Variants in ZBTB38 observed in about 807,000 individuals in gnomAD.
The protein encoded by ZBTB38 is zinc finger and BTB domain-containing protein 38.
A neutral mutation model predicts 76.8 loss-of-function variants in ZBTB38; 20 were observed. The ratio of observed to expected loss-of-function variants is 0.26; its 90% CI spans 0.18 to 0.38. ZBTB38 has a LOEUF of 0.38. Among genes scored for constraint, ZBTB38 ranks in the 10% least tolerant of loss-of-function variants. The pLI, the probability that ZBTB38 is intolerant of heterozygous loss-of-function variation, is 1.00. For synonymous variants in ZBTB38, 504 were observed against 544.2 expected, an observed-to-expected ratio of 0.93 and a Z score of 1.03; for missense variants, 1,082 against 1,482.3, an observed-to-expected ratio of 0.73 and a Z score of 4.43.
chr3:141,331,363 G>A (rs1025864596), intron 1 of ZBTB38, among the ~76,000 whole-genome samples: 2 of 152,198 alleles, frequency 1.3e-5, no homozygotes, highest in Admixed American at 1.3e-4. Flanking sequence ...TGATTATGTA[G>A]GAGAGAGAGA....
intron 2 of ZBTB38, among the ~76,000 whole-genome samples, chr3:141,380,477 GA>G (rs761157647): frequency 2.6e-5 from 4 of 152,204 alleles, no homozygotes; most frequent in Non-Finnish European, 4.4e-5. Flanking sequence ...CTTAACTCCT[GA>G]AGCAAGTACT....
chr3:141,357,711 T>A (rs1157322559), intron 1 of ZBTB38, among the ~76,000 whole-genome samples: 1 of 152,114 alleles, frequency 6.6e-6, no homozygotes, highest in Non-Finnish European at 1.5e-5. Context: ...TGTCTTGAAC[T>A]CCTGAGCTCA....
At chr3:141,407,518 GT>G (rs1384699151) in intron 5 of ZBTB38, among the ~76,000 whole-genome samples, 1 of 152,200 alleles carries the variant, frequency 6.6e-6, no homozygotes, top group Non-Finnish European at 1.5e-5. Context: ...GCATCTACAC[GT>G]AAAGCCTTAT....
chr3:141,389,210 A>T (rs772166925), intron 4 of ZBTB38: 1 of 152,152 alleles, frequency 6.6e-6, no homozygotes, highest in Non-Finnish European at 1.5e-5. Flanking sequence ...ATTCAAAACC[A>T]TCTGTGTAAA....
Position 141,444,474 on chromosome 3 carries a change from T to C in ZBTB38, c.2086T>C (p.Leu696=), listed in dbSNP as rs1577560161. 1 of 1,614,122 alleles carries C rather than the reference T, an allele frequency of 6.2e-7. No homozygotes were observed. Among genetic ancestry groups the C allele is most frequent in the East Asian group, 2.2e-5 (1 of 44,886 alleles). ...GGCAGGGGATGTACCTGTTTTATCT[T>C]TGAGTAATAGCAGTGAGAATGCCGC... ...LRAGDVPVLS[L]SNSSENAASV... The change falls in exon 6 of 6, where the codon TTG becomes CTG. Residue 696 remains leucine (L), a synonymous_variant. Coordinates refer to ENST00000321464, the MANE Select transcript of ZBTB38 (RefSeq NM_001376113.1). This position sits in a 1 kb window ranked among gnomAD's most constrained non-coding sequence, Gnocchi z 5.1.
At chr3:141,327,746 A>G (rs1242948918) in intron 1 of ZBTB38, among the ~76,000 whole-genome samples, 1 of 152,238 alleles carries the variant, frequency 6.6e-6, no homozygotes, top group Non-Finnish European at 1.5e-5. Flanking sequence ...AATGTAATAC[A>G]TGAATAATGG....
chr3:141,359,549 G>A (rs1025948719), intron 1 of ZBTB38, among the ~76,000 whole-genome samples: 1 of 152,226 alleles, frequency 6.6e-6, no homozygotes, highest in Non-Finnish European at 1.5e-5. Context: ...GGATAGTAGA[G>A]CATTCTTAGT....
chr3:141,407,475 A>G (rs1312250138), intron 5 of ZBTB38, among the ~76,000 whole-genome samples: 2 of 152,242 alleles, frequency 1.3e-5, no homozygotes, highest in African/African-American at 2.4e-5. Context: ...TTCCCCTCAC[A>G]ACCTTGTATA....
rs941419166 is a variant in ZBTB38, at chr3:141,446,801, T to C, written c.*825T>C. The C allele has an allele frequency of 3.3e-5, 5 of 152,676 alleles. No individual in the cohort carries two copies. The highest frequency in any genetic ancestry group is 9.6e-5 in the African/African-American group (4 of 41,460). The allele number at this position is 152,676 out of a possible 1,614,324, so 9.5% of individuals were successfully genotyped here. On this transcript the variant is annotated 3_prime_UTR_variant, in exon 6 of 6. Coordinates refer to ENST00000321464, the MANE Select transcript of ZBTB38 (RefSeq NM_001376113.1). ...TGGTCTACTCAATTCACAGAAAACA[T>C]AGGTCATGCCTTATCTATGGGGGAA...
intron 5 of ZBTB38, among the ~76,000 whole-genome samples, chr3:141,423,866 T>A (rs1411379213): frequency 6.6e-6 from 1 of 152,206 alleles, no homozygotes; most frequent in East Asian, 1.9e-4. Flanking sequence ...CTAAAATAAA[T>A]TGTAACCAAA....
chr3:141,419,983 G>A (rs529176478), intron 5 of ZBTB38, among the ~76,000 whole-genome samples: 10 of 152,178 alleles, frequency 6.6e-5, no homozygotes, highest in African/African-American at 1.4e-4. Flanking sequence ...GCACAACTCC[G>A]TCTCAAAAAA....
intron 1 of ZBTB38, among the ~76,000 whole-genome samples, chr3:141,332,674 C>A (rs1017597226): frequency 6.6e-6 from 1 of 152,162 alleles, no homozygotes; most frequent in Non-Finnish European, 1.5e-5. Context: ...TTGTTCCTGG[C>A]GCCCTTGGCT....
At chr3:141,340,347 C>T (rs181733998) in intron 1 of ZBTB38, among the ~76,000 whole-genome samples, 191 of 152,240 alleles carry the variant, frequency 1.3e-3, no homozygotes, top group African/African-American at 4.4e-3. Flanking sequence ...TAATTAGAGA[C>T]TTTGCCTAAA....
At chr3:141,355,858 C>G (rs562327719) in intron 1 of ZBTB38, among the ~76,000 whole-genome samples, 15 of 152,224 alleles carry the variant, frequency 9.9e-5, no homozygotes, top group Admixed American at 5.2e-4. Context: ...CCTGGGAGCC[C>G]AAAAACTTCT....
intron 5 of ZBTB38, among the ~76,000 whole-genome samples, chr3:141,431,341 A>AAATATATATATATATAT: frequency 1.9e-5 from 2 of 103,296 alleles, no homozygotes; most frequent in Non-Finnish European, 3.4e-5. Context: ...AAAAAAAAAA[A>AAATATATATATATATAT]ATATATATAT....
chr3:141,431,350 A>G (rs1234559401), intron 5 of ZBTB38, among the ~76,000 whole-genome samples: 2 of 140,640 alleles, frequency 1.4e-5, no homozygotes, highest in Non-Finnish European at 3.0e-5. Flanking sequence ...AAATATATAT[A>G]TATATTTGGG....
intron 5 of ZBTB38, among the ~76,000 whole-genome samples, chr3:141,437,035 G>A (rs914353170): frequency 6.6e-6 from 1 of 152,154 alleles, no homozygotes; most frequent in Non-Finnish European, 1.5e-5. Flanking sequence ...CTGGATAACT[G>A]TGCTCTAAAG....
intron 1 of ZBTB38, among the ~76,000 whole-genome samples, chr3:141,356,058 T>G (rs549836099): frequency 2.0e-5 from 3 of 152,166 alleles, no homozygotes; most frequent in African/African-American, 7.2e-5. Flanking sequence ...ACTCAGCCTA[T>G]AGGTGTGTGT....
chr3:141,444,247 A>G lies in ZBTB38; in HGVS notation c.1859A>G (p.Asp620Gly), dbSNP rs1240103174. Residue 620 changes from aspartate (D) to glycine (G), a missense_variant, in exon 6 of 6, where the codon GAT (aspartate) becomes GGT (glycine). Asp to Gly is a moderately conservative substitution (Grantham distance 94). Coordinates refer to ENST00000321464, the MANE Select transcript of ZBTB38 (RefSeq NM_001376113.1). The surrounding 1 kb of genome is among the most constrained non-coding windows in gnomAD (Gnocchi z 5.1). ...SSELPTLNFQ[D>G]TVNTLTNSPA... Reference sequence around the variant, plus strand: ...GAATTACCAACGCTGAATTTCCAAGATACTGTAAACACCCTGACCAACAGT... The same window carrying G: ...GAATTACCAACGCTGAATTTCCAAGGTACTGTAAACACCCTGACCAACAGT... 1 of 1,614,236 alleles carries G rather than the reference A, an allele frequency of 6.2e-7. No homozygotes were observed. Among genetic ancestry groups the G allele is most frequent in the South Asian group, 1.1e-5 (1 of 91,086 alleles).
Sources: gnomAD v4.1 joint callset for allele counts (sites outside exome capture counted in the v4.1 genomes callset) on GRCh38, gnomAD v4.1.1 for gene constraint, Gnocchi (gnomAD v3.1) non-coding constraint, MANE v1.5 for transcripts, NCBI Gene and HGNC (gene_info 2026-07-23, HGNC 2026-07-21) for gene names.